TRPM1: variants seen among roughly 807,000 people sequenced by gnomAD.
TRPM1 encodes transient receptor potential cation channel subfamily M member 1, also known as TRPM1-203 APA Isoform, Intron 10.
TRPM1 carries 113 observed loss-of-function variants against 149.4 expected under a neutral mutation model. The observed-to-expected ratio is 0.76, with a 90% CI of 0.65 to 0.88. The LOEUF (loss-of-function observed/expected upper bound fraction) is 0.88, where lower values mean the gene tolerates loss of function less well. TRPM1 is among the 40% of genes least tolerant of loss of function. The probability of loss-of-function intolerance (pLI) is 0.00; values close to 1 mark genes in which losing one functional copy is unlikely to be tolerated. For synonymous variants in TRPM1, 741 were observed against 759.5 expected, an observed-to-expected ratio of 0.98 and a Z score of 0.40; for missense variants, 1,976 against 2,038.7, an observed-to-expected ratio of 0.97 and a Z score of 0.59.
Position 31,118,770 on chromosome 15 carries a change from T to G in TRPM1, c.55-41786A>C, listed in dbSNP as rs2035836655. Among the ~76,000 whole-genome samples the G allele has an allele frequency of 1.3e-5, 2 of 152,142 alleles. 1 individual carries two copies. ...CATAGTGGAAAGCAAGCTAGCTGGA[T>G]CTCCGGTCTTTTCTGATAAGGGCAT... On this transcript the variant is annotated intron_variant, in intron 1 of 26. Coordinates refer to the TRPM1 transcript ENST00000542188.
chr15:31,063,156 G>A lies in TRPM1; in HGVS notation c.927C>T (p.Asp309=), dbSNP rs956578354. The part of the protein sequence containing the change: ...VICDGSGRAS[D]ILSFAHKYCE... The stretch of plus-strand genomic sequence containing the variant: ...AGTACTTGTGCGCAAAGGACAGGAT[G>A]TCCGAGGCACGTCCGCTGCCATCAC... Residue 309 remains aspartate, a synonymous_variant, in exon 8 of 28, where the codon GAC becomes GAT. Coordinates refer to ENST00000256552, the MANE Select transcript of TRPM1 (RefSeq NM_001252024.2). The A allele has an allele frequency of 3.3e-5, 53 of 1,614,106 alleles. No homozygotes were observed. Among genetic ancestry groups the A allele is most frequent in the African/African-American group, 2.5e-4 (19 of 74,942 alleles).
chr15:31,160,660 A>G (rs1052467228), intron 1 of TRPM1, among the ~76,000 whole-genome samples: 7 of 152,242 alleles, frequency 4.6e-5, no homozygotes, highest in African/African-American at 1.7e-4. Flanking sequence ...CGGGTTTGCC[A>G]CAGCCACTCG....
At chr15:31,071,519 T>C (rs939290340) in intron 3 of TRPM1, among the ~76,000 whole-genome samples, 5 of 152,150 alleles carry the variant, frequency 3.3e-5, no homozygotes, top group Non-Finnish European at 7.4e-5. Context: ...GTTTTCCTTT[T>C]TCTTTTCCCT....
At chr15:31,137,939 A>T (rs1397366374) in intron 1 of TRPM1, among the ~76,000 whole-genome samples, 1 of 152,194 alleles carries the variant, frequency 6.6e-6, no homozygotes, top group African/African-American at 2.4e-5. Context: ...TTGGGATCTC[A>T]ACTAGAACTT....
intron 5 of TRPM1, 143 bp downstream of exon 5, chr15:31,067,736 G>T (rs2034419976): frequency 1.2e-6 from 1 of 809,462 alleles, no homozygotes; most frequent in Non-Finnish European, 2.0e-6. Flanking sequence ...ACACAAGCTA[G>T]GGAATAAAGA....
At chr15:31,155,258 C>T (rs1293802783) in intron 1 of TRPM1, among the ~76,000 whole-genome samples, 1 of 152,202 alleles carries the variant, frequency 6.6e-6, no homozygotes, top group East Asian at 1.9e-4. Flanking sequence ...GAGGTGAGAG[C>T]TGCTGTCCCC....
At chr15:31,058,069 A>G (rs1178054056) in intron 11 of TRPM1, among the ~76,000 whole-genome samples, 3 of 152,168 alleles carry the variant, frequency 2.0e-5, no homozygotes, top group African/African-American at 7.2e-5. Flanking sequence ...TCTTTATAGC[A>G]GTGTGAAAAC....
chr15:31,150,987 C>A (rs941093866), intron 1 of TRPM1, among the ~76,000 whole-genome samples: 1 of 152,164 alleles, frequency 6.6e-6, no homozygotes, highest in African/African-American at 2.4e-5. Context: ...GAAATTCACA[C>A]CCTATGCAAA....
At position 31,067,868 on chromosome 15, in the gene TRPM1, C is replaced by T. The variant is rs760470466; in HGVS notation, c.493+11G>A. ...ACATTGATTATCGGGAGGGAAAGGG[C>T]CTGCTCTTACCTGTGCTGACACCCC... On this transcript the variant is annotated intron_variant, in intron 5 of 27. Transcript: ENST00000256552. 20 of 1,611,958 alleles carry T rather than the reference C, an allele frequency of 1.2e-5. No individual in the cohort carries two copies. The South Asian group carries it at 1.9e-4, about 15-fold the overall frequency.
chr15:31,035,452 G>T, intron 21 of TRPM1, 94 bp downstream of exon 21: 1 of 1,565,686 alleles, frequency 6.4e-7, no homozygotes, highest in Non-Finnish European at 8.8e-7. Flanking sequence ...GGCCCAACAT[G>T]CATAATTTGC....
chr15:31,051,434 G>T (rs1393649591), intron 11 of TRPM1, among the ~76,000 whole-genome samples: 1 of 152,190 alleles, frequency 6.6e-6, no homozygotes, highest in Non-Finnish European at 1.5e-5. Flanking sequence ...TCTGTCCTGG[G>T]CTGTGGGTTT....
chr15:31,040,381 C>T lies in TRPM1; in HGVS notation c.2088-35G>A. The T allele has an allele frequency of 6.3e-7, 1 of 1,580,930 alleles. No homozygotes were observed. Among genetic ancestry groups the T allele is most frequent in the South Asian group, 1.1e-5 (1 of 90,390 alleles). On this transcript the variant is annotated intron_variant, in intron 17 of 27. Coordinates refer to ENST00000256552, the MANE Select transcript of TRPM1 (RefSeq NM_001252024.2). This position sits in a 1 kb window ranked among gnomAD's most constrained non-coding sequence, Gnocchi z 4.2. Reference sequence around the variant, plus strand: ...AAGAGAAGGGACCAGGGTGAAGCCACAGTGGCCGCAAGCTGTTTCTTAGAC... The same window carrying T: ...AAGAGAAGGGACCAGGGTGAAGCCATAGTGGCCGCAAGCTGTTTCTTAGAC...
At chr15:31,017,882 T>C (rs945681092) in intron 27 of TRPM1, among the ~76,000 whole-genome samples, 2 of 152,222 alleles carry the variant, frequency 1.3e-5, no homozygotes, top group Non-Finnish European at 2.9e-5. Context: ...CATAACTTTA[T>C]TGGACTTTGC....
intron 1 of TRPM1, among the ~76,000 whole-genome samples, chr15:31,083,949 C>T (rs1022565582): frequency 6.6e-6 from 1 of 152,174 alleles, no homozygotes; most frequent in Non-Finnish European, 1.5e-5. Context: ...ACCTTTGAAA[C>T]CTATTGTCCT....
At chr15:31,069,767 G>A in intron 4 of TRPM1, 1 of 1,449,234 alleles carries the variant, frequency 6.9e-7, no homozygotes, top group Non-Finnish European at 9.0e-7. Flanking sequence ...TGTTTGCAGG[G>A]TTGGGCCAGA....
chr15:31,073,858 C>T (rs745711086), intron 3 of TRPM1, among the ~76,000 whole-genome samples: 7 of 152,078 alleles, frequency 4.6e-5, no homozygotes, highest in South Asian at 2.1e-4. Context: ...TGTTCTTTAT[C>T]GGGTTGAGGA....
At chr15:31,134,358 T>G (rs2036061026) in intron 1 of TRPM1, among the ~76,000 whole-genome samples, 1 of 152,174 alleles carries the variant, frequency 6.6e-6, no homozygotes, top group Admixed American at 6.5e-5. Context: ...GGCATAAGGT[T>G]TATTTTGAGC....
chr15:31,154,286 T>C (rs1030612386), intron 1 of TRPM1, among the ~76,000 whole-genome samples: 1 of 152,230 alleles, frequency 6.6e-6, no homozygotes, highest in Admixed American at 6.5e-5. Flanking sequence ...TTTTGGGTTT[T>C]ATTCTTTGTA....
intron 16 of TRPM1, among the ~76,000 whole-genome samples, chr15:31,043,796 T>C (rs951588639): frequency 2.6e-5 from 4 of 152,118 alleles, no homozygotes; most frequent in Admixed American, 1.3e-4. Flanking sequence ...TCTAATATTA[T>C]TAAAATATTA....
Sources: gnomAD v4.1 joint callset for allele counts (sites outside exome capture counted in the v4.1 genomes callset) on GRCh38, gnomAD v4.1.1 for gene constraint, Gnocchi (gnomAD v3.1) non-coding constraint, MANE v1.5 for transcripts, NCBI Gene and HGNC (gene_info 2026-07-23, HGNC 2026-07-21) for gene names.